PDE1A: variants seen among roughly 807,000 people sequenced by gnomAD.
The protein encoded by PDE1A is phosphodiesterase 1A.
Under a neutral mutation model 61.7 loss-of-function variants are expected in PDE1A, and 35 were observed. The ratio of observed to expected loss-of-function variants is 0.57; its 90% CI spans 0.43 to 0.75. PDE1A has a LOEUF of 0.75. Among genes scored for constraint, PDE1A ranks in the 30% least tolerant of loss-of-function variants. PDE1A has a pLI of 0.00. For synonymous variants in PDE1A, 232 were observed against 213.2 expected, an observed-to-expected ratio of 1.09 and a Z score of -0.77; for missense variants, 597 against 630.6, an observed-to-expected ratio of 0.95 and a Z score of 0.57.
rs35648980 is a variant in PDE1A, at chr2:182,250,752, G to A, written c.168-10460C>T. ...CAATTCCCAAAAGGCAAATCTTGGC[G>A]TAAATGAGGTCAAGTAAGGATAATG... On this transcript the variant is annotated intron_variant, in intron 2 of 13. Coordinates refer to ENST00000351439, the Ensembl canonical transcript of PDE1A. Among the ~76,000 whole-genome samples, 1,280 of 152,218 alleles carry A rather than the reference G, an allele frequency of 8.4e-3. 8 individuals carry two copies. The highest frequency in any genetic ancestry group is 0.02 in the Middle Eastern group (6 of 294).
chr2:182,482,573 T>G (rs1463707292), intron 2 of PDE1A, among the ~76,000 whole-genome samples: 1 of 151,944 alleles, frequency 6.6e-6, no homozygotes, highest in East Asian at 1.9e-4. Flanking sequence ...TTCCAGGATC[T>G]AGAAATCAAC....
the PDE1A span, among the ~76,000 whole-genome samples, chr2:182,693,242 G>A: frequency 6.6e-6 from 1 of 152,020 alleles, no homozygotes; most frequent in Non-Finnish European, 1.5e-5. Context: ...ACTTCAACAA[G>A]TATCAATTTT....
At chr2:182,692,799 CA>C in the PDE1A span, among the ~76,000 whole-genome samples, 1 of 151,616 alleles carries the variant, frequency 6.6e-6, no homozygotes, top group African/African-American at 2.4e-5. Context: ...CTAGTTCTTA[CA>C]CAGTAGTCAG....
At chr2:182,630,224 AG>A in the PDE1A span, among the ~76,000 whole-genome samples, 1 of 151,718 alleles carries the variant, frequency 6.6e-6, no homozygotes, top group African/African-American at 2.4e-5. Flanking sequence ...ATTTTCCTGT[AG>A]GTGTTTCTTG....
chr2:182,509,558 T>C (rs960293796), intron 2 of PDE1A, among the ~76,000 whole-genome samples: 1 of 152,220 alleles, frequency 6.6e-6, no homozygotes, highest in African/African-American at 2.4e-5. Context: ...GGCCCTCCCC[T>C]TACTAAATGT....
chr2:182,486,524 T>C (rs1346534795), intron 2 of PDE1A, among the ~76,000 whole-genome samples: 2 of 152,086 alleles, frequency 1.3e-5, no homozygotes, highest in African/African-American at 4.8e-5. Flanking sequence ...TTGGAGGATT[T>C]ACACTTTGAA....
intron 7 of PDE1A, among the ~76,000 whole-genome samples, chr2:182,214,092 G>A (rs1281238419): frequency 2.7e-5 from 4 of 150,440 alleles, no homozygotes; most frequent in Non-Finnish European, 3.0e-5. Flanking sequence ...CTACAAGCCA[G>A]AAGAGAGTGG....
the PDE1A span, among the ~76,000 whole-genome samples, chr2:182,656,181 C>T: frequency 1.1e-4 from 17 of 152,336 alleles, no homozygotes; most frequent in African/African-American, 3.8e-4. Flanking sequence ...CATGATACCA[C>T]ATTACCCCAG....
chr2:182,538,696 T>C, the PDE1A span, among the ~76,000 whole-genome samples: 5 of 152,196 alleles, frequency 3.3e-5, no homozygotes, highest in Non-Finnish European at 7.4e-5. Context: ...CTAAATATCT[T>C]TGGAAATATT....
chr2:182,250,317 A>T (rs1450492387), intron 2 of PDE1A, among the ~76,000 whole-genome samples: 1 of 152,234 alleles, frequency 6.6e-6, no homozygotes, highest in East Asian at 1.9e-4. Context: ...TTGTTTTCTC[A>T]TAGAGAAATA....
chr2:182,594,492 T>C, the PDE1A span, among the ~76,000 whole-genome samples: 2 of 152,214 alleles, frequency 1.3e-5, no homozygotes, highest in African/African-American at 4.8e-5. Context: ...TTAAGAAACC[T>C]CTAAGTTGCA....
the PDE1A span, among the ~76,000 whole-genome samples, chr2:182,602,016 T>C: frequency 6.6e-6 from 1 of 152,202 alleles, no homozygotes; most frequent in South Asian, 2.1e-4. Context: ...AGGGTCTCAC[T>C]GGGGACCTTC....
intron 1 of PDE1A, among the ~76,000 whole-genome samples, chr2:182,264,941 A>C (rs572118971): frequency 1.5e-4 from 22 of 147,378 alleles, no homozygotes; most frequent in Admixed American, 1.3e-3. Flanking sequence ...AAGGAATAAA[A>C]TAGTGTCTTT....
chr2:182,646,089 C>A, the PDE1A span, among the ~76,000 whole-genome samples: 1 of 152,018 alleles, frequency 6.6e-6, no homozygotes, highest in African/African-American at 2.4e-5. Context: ...AAGAAAACAA[C>A]CTTCAGCCAC....
intron 1 of PDE1A, among the ~76,000 whole-genome samples, chr2:182,280,431 C>T (rs549265853): frequency 1.3e-5 from 2 of 152,048 alleles, no homozygotes; most frequent in South Asian, 4.1e-4. Context: ...TTCTGTTTTG[C>T]ACATTCTCCA....
intron 1 of PDE1A, among the ~76,000 whole-genome samples, chr2:182,404,196 T>C (rs1421548833): frequency 6.6e-6 from 1 of 152,208 alleles, no homozygotes; most frequent in Non-Finnish European, 1.5e-5. Flanking sequence ...TCTGCCTTTT[T>C]CTCTCTTGGA....
chr2:182,645,208 T>G, the PDE1A span, among the ~76,000 whole-genome samples: 21 of 152,196 alleles, frequency 1.4e-4, no homozygotes, highest in African/African-American at 3.6e-4. Flanking sequence ...GGATGATCTC[T>G]ATCTCCTGAC....
intron 1 of PDE1A, among the ~76,000 whole-genome samples, chr2:182,318,185 C>G (rs987766273): frequency 1.3e-5 from 2 of 152,086 alleles, no homozygotes; most frequent in Non-Finnish European, 2.9e-5. Context: ...CTTAATATGT[C>G]CCCTCAATAT....
chr2:182,382,081 A>T (rs185117513), intron 1 of PDE1A, among the ~76,000 whole-genome samples: 8 of 152,264 alleles, frequency 5.3e-5, no homozygotes, highest in Middle Eastern at 3.4e-3. Flanking sequence ...ATGACCCCCC[A>T]ATAACCCTTA....
Sources: allele counts gnomAD v4.1 joint callset (sites outside exome capture counted in the v4.1 genomes callset), GRCh38; gene constraint gnomAD v4.1.1; transcripts MANE v1.5; gene names NCBI Gene and HGNC (gene_info 2026-07-23, HGNC 2026-07-21).